DRD2: variants seen among roughly 807,000 people sequenced by gnomAD.
The protein encoded by DRD2 is dopamine receptor D2.
A neutral mutation model predicts 38.0 loss-of-function variants in DRD2; 8 were observed. The ratio of observed to expected loss-of-function variants is 0.21; its 90% CI spans 0.12 to 0.38. DRD2 has a LOEUF of 0.38. Among genes scored for constraint, DRD2 ranks in the 10% least tolerant of loss-of-function variants. The pLI, the probability that DRD2 is intolerant of heterozygous loss-of-function variation, is 1.00. For synonymous variants in DRD2, 230 were observed against 238.6 expected, an observed-to-expected ratio of 0.96 and a Z score of 0.33; for missense variants, 403 against 607.7, an observed-to-expected ratio of 0.66 and a Z score of 3.54.
At chr11:113,470,253 G>A (rs1951410510) in intron 1 of DRD2, among the ~76,000 whole-genome samples, 1 of 152,198 alleles carries the variant, frequency 6.6e-6, no homozygotes, top group Admixed American at 6.5e-5. Context: ...AGGAGGGGGT[G>A]GAAATGAGAA....
intron 2 of DRD2, among the ~76,000 whole-genome samples, chr11:113,423,525 C>T (rs1337372397): frequency 2.6e-5 from 4 of 152,210 alleles, no homozygotes; most frequent in Non-Finnish European, 4.4e-5. Context: ...CTGCCTGCCT[C>T]GGCCTCCCAA....
intron 3 of DRD2, among the ~76,000 whole-genome samples, chr11:113,417,780 G>T (rs2138167200): frequency 6.6e-6 from 1 of 152,304 alleles, no homozygotes; most frequent in South Asian, 2.1e-4. Flanking sequence ...TTCCCCTTTT[G>T]TACCAGTCAC....
chr11:113,452,469 T>TGTGTGTGTGTGTGTGTGTGCGC (rs1210531875), intron 1 of DRD2, among the ~76,000 whole-genome samples: 4 of 118,782 alleles, frequency 3.4e-5, no homozygotes, highest in African/African-American at 1.4e-4. Context: ...TGTGTGTGTG[T>TGTGTGTGTGTGTGTGTGTGCGC]GCGCGCGCGC....
At chr11:113,468,115 T>C (rs1435169133) in intron 1 of DRD2, among the ~76,000 whole-genome samples, 1 of 152,186 alleles carries the variant, frequency 6.6e-6, no homozygotes, top group East Asian at 1.9e-4. Flanking sequence ...AAATGTCTTG[T>C]CTCTATTACC....
At chr11:113,442,566 C>A (rs1254187037) in intron 1 of DRD2, among the ~76,000 whole-genome samples, 1 of 152,276 alleles carries the variant, frequency 6.6e-6, no homozygotes, top group East Asian at 1.9e-4. Flanking sequence ...GAGACTTCAG[C>A]CCTGTGTCTG....
intron 3 of DRD2, 38 bp from the exon 4 acceptor site, chr11:113,417,037 C>T (rs201105954): frequency 6.2e-7 from 1 of 1,609,216 alleles, no homozygotes; most frequent in African/African-American, 1.3e-5. Flanking sequence ...GGGTGCAGGC[C>T]CAGGGACCCC....
intron 1 of DRD2, among the ~76,000 whole-genome samples, chr11:113,455,223 C>T (rs1057343811): frequency 6.6e-5 from 10 of 151,902 alleles, no homozygotes; most frequent in South Asian, 4.2e-4. Flanking sequence ...ATTAGCCAGG[C>T]GTGGTGGCAG....
Position 113,456,220 on chromosome 11 carries a change from T to C in DRD2, c.-32+18856A>G, listed in dbSNP as rs1951267140. Among the ~76,000 whole-genome samples the C allele has an allele frequency of 3.9e-5, 6 of 152,360 alleles. No homozygotes were observed. The South Asian group carries it at 1.2e-3, about 32-fold the overall frequency. The stretch of plus-strand genomic sequence containing the variant: ...AAGACATTGTATGATCTTGCTTATA[T>C]GTGGAATCTACGAATTTGAACTCAT... On this transcript the variant is annotated intron_variant, in intron 1 of 7. Coordinates refer to ENST00000362072, the MANE Select transcript of DRD2 (RefSeq NM_000795.4).
chr11:113,410,472 G>A lies in DRD2; in HGVS notation c.*255C>T, dbSNP rs199666125. The A allele has an allele frequency of 1.2e-5, 7 of 575,224 alleles. No homozygotes were observed. Among genetic ancestry groups the A allele is most frequent in the South Asian group, 2.0e-5 (1 of 50,218 alleles). 35.6% of individuals were successfully genotyped at this position (575,224 alleles called of 1,614,324 possible). On this transcript the variant is annotated 3_prime_UTR_variant, in exon 8 of 8. Coordinates refer to ENST00000362072, the MANE Select transcript of DRD2 (RefSeq NM_000795.4). The stretch of plus-strand genomic sequence containing the variant: ...TAGGGGGACTGGAGGTGGGAGGGGG[G>A]ACTCTATGAGCTGCCCCTGAGCTGG...
chr11:113,419,751 G>A (rs1011130553), intron 2 of DRD2, among the ~76,000 whole-genome samples: 3 of 152,162 alleles, frequency 2.0e-5, no homozygotes, highest in Non-Finnish European at 4.4e-5. Context: ...TTATAACCTT[G>A]CTCATTCTGA....
chr11:113,426,885 T>C (rs1206215601), intron 1 of DRD2, among the ~76,000 whole-genome samples: 1 of 152,228 alleles, frequency 6.6e-6, no homozygotes, highest in Non-Finnish European at 1.5e-5. Flanking sequence ...GGCCTGCATG[T>C]ATGTATTGAT....
intron 1 of DRD2, chr11:113,425,093 A>G: frequency 4.6e-6 from 1 of 217,894 alleles, no homozygotes; most frequent in South Asian, 7.2e-5. Flanking sequence ...TGTTCTATAT[A>G]GTTCTAGAAA....
intron 1 of DRD2, among the ~76,000 whole-genome samples, chr11:113,468,695 A>G (rs957098854): frequency 6.6e-6 from 1 of 152,122 alleles, no homozygotes; most frequent in South Asian, 2.1e-4. Flanking sequence ...CCACAGGTGC[A>G]TGCTGCCAGA....
At chr11:113,471,009 G>A (rs1316080988) in intron 1 of DRD2, among the ~76,000 whole-genome samples, 1 of 152,092 alleles carries the variant, frequency 6.6e-6, no homozygotes, top group Non-Finnish European at 1.5e-5. Context: ...ACCAGATTAA[G>A]GTGAAAGGAA....
intron 1 of DRD2, among the ~76,000 whole-genome samples, chr11:113,435,714 G>A (rs1214871903): frequency 6.6e-6 from 1 of 151,124 alleles, no homozygotes; most frequent in Non-Finnish European, 1.5e-5. Flanking sequence ...TTGCCCCAGG[G>A]GCTACACAGG....
intron 1 of DRD2, among the ~76,000 whole-genome samples, chr11:113,436,348 G>A (rs1951036734): frequency 6.6e-6 from 1 of 152,168 alleles, no homozygotes; most frequent in African/African-American, 2.4e-5. Flanking sequence ...AGTGGGGAGA[G>A]CCTCTAGAAT....
Position 113,415,556 on chromosome 11 carries a change from G to A in DRD2, c.588C>T (p.Val196=), listed in dbSNP as rs373761235. Residue 196 remains valine, a synonymous_variant, in exon 5 of 8, where the codon GTC becomes GTT. Coordinates refer to ENST00000362072, the MANE Select transcript of DRD2 (RefSeq NM_000795.4). The part of the protein sequence containing the change: ...NPAFVVYSSI[V]SFYVPFIVTL... Reference sequence around the variant, plus strand: ...TGACAATGAAGGGCACGTAGAAGGAGACGATGGAGGAGTAGACCACGAAGG... The same window carrying A: ...TGACAATGAAGGGCACGTAGAAGGAAACGATGGAGGAGTAGACCACGAAGG... The A allele has an allele frequency of 1.9e-6, 3 of 1,614,120 alleles. No individual in the cohort carries two copies. The highest frequency in any genetic ancestry group is 2.5e-6 in the Non-Finnish European group (3 of 1,180,048).
At chr11:113,463,936 C>G (rs942080925) in intron 1 of DRD2, among the ~76,000 whole-genome samples, 6 of 152,138 alleles carry the variant, frequency 3.9e-5, no homozygotes, top group Non-Finnish European at 8.8e-5. Context: ...TAGGAGTTAA[C>G]CTTATAAGTT....
chr11:113,430,001 C>T (rs562332593), intron 1 of DRD2, among the ~76,000 whole-genome samples: 9 of 152,358 alleles, frequency 5.9e-5, no homozygotes, highest in East Asian at 3.9e-4. Flanking sequence ...AATCAGACCA[C>T]AAGCCAACGG....
Sources: gnomAD v4.1 joint callset for allele counts (sites outside exome capture counted in the v4.1 genomes callset) on GRCh38, gnomAD v4.1.1 for gene constraint, MANE v1.5 for transcripts, NCBI Gene and HGNC (gene_info 2026-07-23, HGNC 2026-07-21) for gene names.